Variants in ADAMTS13 observed in about 807,000 individuals in gnomAD.
ADAMTS13 encodes the protein A disintegrin and metalloproteinase with thrombospondin motifs 13.
ADAMTS13 carries 110 observed loss-of-function variants against 155.1 expected under a neutral mutation model. The ratio of observed to expected loss-of-function variants is 0.71; its 90% CI spans 0.61 to 0.83. ADAMTS13 has a LOEUF of 0.83. ADAMTS13 is among the 40% of genes least tolerant of loss of function. The probability of loss-of-function intolerance (pLI) is 0.00; values close to 1 mark genes in which losing one functional copy is unlikely to be tolerated. For synonymous variants in ADAMTS13, 758 were observed against 756.4 expected (o/e 1.00, Z -0.03); for missense variants, 1,707 against 1,891.7 (o/e 0.90, Z 1.81).
chr9:133,440,198 C>G lies in ADAMTS13; in HGVS notation c.1787-146C>G. 1 of 972,564 alleles carries G rather than the reference C, an allele frequency of 1.0e-6. No homozygotes were observed. The highest frequency in any genetic ancestry group is 1.6e-6 in the Non-Finnish European group (1 of 629,398). 60.2% of individuals were successfully genotyped at this position (972,564 alleles called of 1,614,324 possible). A position where few individuals can be genotyped will look rare whatever the true frequency, so the allele number is the denominator to read the frequency against. ...CAGGTTGTGGAAAGAGGCCTAGAGCCTCCGCTGTGGGGAAGCCTCTAGCTC... is the reference window on the plus strand; with the variant it reads ...CAGGTTGTGGAAAGAGGCCTAGAGCGTCCGCTGTGGGGAAGCCTCTAGCTC... On this transcript the variant is annotated intron_variant, in intron 15 of 28. Coordinates refer to ENST00000355699, the MANE Select transcript of ADAMTS13 (RefSeq NM_139027.6). The surrounding 1 kb of genome is among the most constrained non-coding windows in gnomAD (Gnocchi z 4.3).
chr9:133,424,436 C>G lies in ADAMTS13; in HGVS notation c.288C>G (p.His96Gln). 6.2e-7 allele frequency: 1 copy of G among 1,613,906 alleles called. No homozygotes were observed. The highest frequency in any genetic ancestry group is 1.7e-5 in the Admixed American group (1 of 60,014). Reference sequence around the variant, plus strand: ...TGGGCCCCGATGTCTTCCAGGCTCACCAGGAGGACACAGAGCGCTATGTGC... The same window carrying G: ...TGGGCCCCGATGTCTTCCAGGCTCAGCAGGAGGACACAGAGCGCTATGTGC... ...VAVGPDVFQA[H>Q]QEDTERYVLT... Residue 96 changes from histidine to glutamine, a missense_variant, in exon 3 of 29, where the codon CAC (histidine) becomes CAG (glutamine). Transcript: ENST00000355699. The surrounding 1 kb of genome is among the most constrained non-coding windows in gnomAD (Gnocchi z 4.3).
chr9:133,427,054 C>T (rs189708651), intron 6 of ADAMTS13, among the ~76,000 whole-genome samples: 61 of 152,358 alleles, frequency 4.0e-4, no homozygotes, highest in African/African-American at 1.1e-3. Context: ...CCACCTGCCT[C>T]GGTCTCCCAC....
At position 133,442,439 on chromosome 9, in the gene ADAMTS13, GC is replaced by G; in HGVS notation, c.2012del (p.Pro671GlnfsTer27). On this transcript the variant is annotated frameshift_variant, in exon 17 of 29. Transcript: ENST00000355699. LOFTEE classifies it high-confidence loss of function. ...RYGEEYGNLT[R>X]PDITFTYFQP... is the part of the protein sequence containing the mutation. The stretch of plus-strand genomic sequence containing the variant: ...GGCGAGGAGTATGGCAACCTCACCC[GC>G]CCAGACATCACCTTCACCTACTTCC... 2 of 1,613,830 alleles carry G rather than the reference GC, an allele frequency of 1.2e-6. No individual in the cohort carries two copies. Among genetic ancestry groups the G allele is most frequent in the Non-Finnish European group, 1.7e-6 (2 of 1,180,012 alleles).
intron 15 of ADAMTS13, among the ~76,000 whole-genome samples, chr9:133,439,949 C>G (rs1841537200): frequency 2.6e-5 from 4 of 152,268 alleles, no homozygotes; most frequent in African/African-American, 4.8e-5. Flanking sequence ...AAGGAGGACA[C>G]TTCTGCCTGG....
At chr9:133,443,827 G>A (rs587753545) in intron 19 of ADAMTS13, among the ~76,000 whole-genome samples, 2 of 152,144 alleles carry the variant, frequency 1.3e-5, no homozygotes. Context: ...CTGGGGAGGG[G>A]GGGCTTCGAG....
In ADAMTS13 at chr9:133,456,529, C is replaced by T. The variant is rs1043127497; in HGVS notation, c.3548-14C>T. On this transcript the variant is annotated splice_polypyrimidine_tract_variant and intron_variant, in intron 26 of 28. Transcript: ENST00000355699. The surrounding 1 kb of genome is among the most constrained non-coding windows in gnomAD (Gnocchi z 4.4). ...GTGGGAGTGCTGGACCCTCACTGCC[C>T]TGCCGCTTCCTAGGGGACATGTTGC... 2.5e-6 allele frequency: 4 copies of T among 1,612,120 alleles called. No individual in the cohort carries two copies. The highest frequency in any genetic ancestry group is 1.8e-4 in the Middle Eastern group (1 of 5,620).
rs1842844046 is a variant in ADAMTS13 at position 133,458,048 on chromosome 9, C to T, written c.3863C>T (p.Thr1288Ile). The change falls in exon 28 of 29, where the codon ACC becomes ATC. Residue 1288 changes from threonine (T) to isoleucine (I), a missense_variant. Around this residue, in one of 3 missense-constraint regions of ADAMTS13, gnomAD observed 961 missense variants for 1,107.9 expected, o/e 0.87. Transcript: ENST00000355699. ...HARIAIHALA[T>I]NMGAGTEGAN... The stretch of plus-strand genomic sequence containing the variant: ...CGGATTGCCATCCATGCCCTGGCCA[C>T]CAACATGGGCGCTGGGACCGAGGGA... 1.2e-6 allele frequency: 2 copies of T among 1,613,344 alleles called. No individual in the cohort carries two copies. Among genetic ancestry groups the T allele is most frequent in the Non-Finnish European group, 1.7e-6 (2 of 1,180,042 alleles).
Position 133,436,283 on chromosome 9 carries a change from C to T in ADAMTS13, c.1309-546C>T, listed in dbSNP as rs1841207146. Among the ~76,000 whole-genome samples the T allele has an allele frequency of 2.0e-5, 3 of 151,840 alleles. No individual in the cohort carries two copies. The South Asian group carries it at 6.3e-4, about 32-fold the overall frequency. ...GTGAGACCCTCCCTTTCCTCCTTCTCCAAATGGACCACCAAGACCTCCCCA... is the reference window on the plus strand; with the variant it reads ...GTGAGACCCTCCCTTTCCTCCTTCTTCAAATGGACCACCAAGACCTCCCCA... On this transcript the variant is annotated intron_variant, in intron 11 of 28. Transcript: ENST00000355699.
rs1554796238 is a variant in ADAMTS13, at chr9:133,456,898, A to C, written c.3724+179A>C. 1.3e-6 allele frequency: 1 copy of C among 792,292 alleles called. No homozygotes were observed. Among genetic ancestry groups the C allele is most frequent in the East Asian group, 2.7e-5 (1 of 37,532 alleles). The allele number at this position is 792,292 out of a possible 1,614,324, so 49.1% of individuals were successfully genotyped here. On this transcript the variant is annotated intron_variant, in intron 27 of 28. Transcript: ENST00000355699. This position sits in a 1 kb window ranked among gnomAD's most constrained non-coding sequence, Gnocchi z 4.4. ...AGTCTGCACGTGCCAGGGAGGGGTC[A>C]CAGGATGAATGCTATATCCCTCCTT...
At chr9:133,421,601 G>A (rs186407464), upstream of ADAMTS13, among the ~76,000 whole-genome samples, 55 of 152,344 alleles carry the variant, frequency 3.6e-4, no homozygotes, top group African/African-American at 1.1e-3. Context: ...CACAGAGCCT[G>A]GCCTGTTTCA....
At chr9:133,435,115 T>A (rs979891502) in intron 11 of ADAMTS13, among the ~76,000 whole-genome samples, 1 of 152,254 alleles carries the variant, frequency 6.6e-6, no homozygotes, top group Non-Finnish European at 1.5e-5. Context: ...AATCCCTGTT[T>A]TCAATTCTTT....
At position 133,456,185 on chromosome 9, in the gene ADAMTS13, G is replaced by A. The variant is rs587643681; in HGVS notation, c.3517G>A (p.Val1173Ile). 5.1e-5 allele frequency: 82 copies of A among 1,613,586 alleles called. No individual in the cohort carries two copies. Among genetic ancestry groups the A allele is most frequent in the Admixed American group, 1.3e-4 (8 of 60,032 alleles). The stretch of plus-strand genomic sequence containing the variant: ...CCTCGGGGAGGTGGTGACCCTCCGC[G>A]TCCTTGAGAGTTCTCTCAACTGCAG... ...RPLGEVVTLR[V>I]LESSLNCSAG... The change falls in exon 26 of 29, where the codon GTC (valine) becomes ATC (isoleucine). Residue 1173 changes from valine to isoleucine, a missense_variant. Transcript: ENST00000355699. This position sits in a 1 kb window ranked among gnomAD's most constrained non-coding sequence, Gnocchi z 4.4.
At chr9:133,449,661 C>G in intron 22 of ADAMTS13, 122 bp from the exon 23 acceptor site, 2 of 1,155,698 alleles carry the variant, frequency 1.7e-6, no homozygotes, top group East Asian at 2.4e-5. Context: ...GAAAGAGAAC[C>G]TCTCCGGGCC....
rs1554795795 is a variant in ADAMTS13, at chr9:133,456,059, C to T, written c.3401-10C>T. 1.9e-6 allele frequency: 3 copies of T among 1,613,266 alleles called. No homozygotes were observed. The South Asian group carries it at 3.3e-5, about 18-fold the overall frequency. ...AAGCACTGCTTACCTGTCTCCTGCT[C>T]CCTTTTCAGGTGCCTGTGGCAGGCA... On this transcript the variant is annotated splice_polypyrimidine_tract_variant and intron_variant, in intron 25 of 28. Transcript: ENST00000355699. The surrounding 1 kb of genome is among the most constrained non-coding windows in gnomAD (Gnocchi z 4.4).
Position 133,442,607 on chromosome 9 carries a change from C to T in ADAMTS13, c.2105-7C>T. 1.2e-6 allele frequency: 2 copies of T among 1,613,294 alleles called. No homozygotes were observed. The highest frequency in any genetic ancestry group is 1.7e-6 in the Non-Finnish European group (2 of 1,180,006). On this transcript the variant is annotated splice_polypyrimidine_tract_variant and splice_region_variant and intron_variant, in intron 17 of 28. Transcript: ENST00000355699. ...GAGGCGGCCTAGCCCTCCCTCTTCC[C>T]TCCCAGGGCTGCGCTGGGTAAACTA...
upstream of ADAMTS13, among the ~76,000 whole-genome samples, chr9:133,418,864 CTTT>C (rs1839829918): frequency 6.6e-6 from 1 of 152,196 alleles, no homozygotes; most frequent in Non-Finnish European, 1.5e-5. Context: ...GTTTTTACTT[CTTT>C]ATTTGGAAGC....
At chr9:133,418,689 G>A (rs995192398), upstream of ADAMTS13, among the ~76,000 whole-genome samples, 12 of 152,142 alleles carry the variant, frequency 7.9e-5, no homozygotes, top group African/African-American at 1.7e-4. Flanking sequence ...TGCATGCACC[G>A]GTAATCAGAA....
In ADAMTS13 at chr9:133,456,806, C is replaced by T. The variant is rs782480034; in HGVS notation, c.3724+87C>T. ...GTGCTGCTGGGGATGGGGCCAGTCC[C>T]AGTGGGGCAGTGGGAAGATACGGAG... On this transcript the variant is annotated intron_variant, in intron 27 of 28. Transcript: ENST00000355699. This position sits in a 1 kb window ranked among gnomAD's most constrained non-coding sequence, Gnocchi z 4.4. The T allele has an allele frequency of 2.9e-5, 42 of 1,460,382 alleles. No homozygotes were observed. The African/African-American group carries it at 5.2e-4, about 18-fold the overall frequency. 90.5% of individuals were successfully genotyped at this position (1,460,382 alleles called of 1,614,324 possible). A position where few individuals can be genotyped will look rare whatever the true frequency, so the allele number is the denominator to read the frequency against.
At position 133,448,654 on chromosome 9, in the gene ADAMTS13, G is replaced by A. The variant is rs1842228900; in HGVS notation, c.2787G>A (p.Gln929=). Residue 929 remains glutamine (Q), a synonymous_variant, in exon 22 of 29, where the codon CAG becomes CAA. Coordinates refer to ENST00000355699, the MANE Select transcript of ADAMTS13 (RefSeq NM_139027.6). ...ACTCTGCCCTCAGGGTGCCTGTCCAGGAAGAGCTGTGTGGCCTGGCAAGCA... is the reference window on the plus strand; with the variant it reads ...ACTCTGCCCTCAGGGTGCCTGTCCAAGAAGAGCTGTGTGGCCTGGCAAGCA... ...CMDSALRVPV[Q]EELCGLASKP... is the part of the protein sequence containing the mutation. The A allele has an allele frequency of 1.9e-6, 3 of 1,609,108 alleles. No homozygotes were observed. Among genetic ancestry groups the A allele is most frequent in the Non-Finnish European group, 2.5e-6 (3 of 1,179,974 alleles).
Sources: gnomAD v4.1 joint callset for allele counts (sites outside exome capture counted in the v4.1 genomes callset) on GRCh38, gnomAD v4.1.1 for gene constraint, gnomAD v4.1.1 regional missense constraint, Gnocchi (gnomAD v3.1) non-coding constraint, MANE v1.5 for transcripts, NCBI Gene and HGNC (gene_info 2026-07-23, HGNC 2026-07-21) for gene names.